ZNF474: variants seen among roughly 807,000 people sequenced by gnomAD.
ZNF474 encodes 4933409D10Rik.
For synonymous variants in ZNF474, 192 were observed against 162.2 expected (o/e 1.18, Z -1.39); for missense variants, 511 against 433.8 (o/e 1.18, Z -1.58).
chr5:122,140,910 A>C (rs1424346486), intron 1 of ZNF474, among the ~76,000 whole-genome samples: 2 of 152,118 alleles, frequency 1.3e-5, no homozygotes, highest in African/African-American at 2.4e-5. Context: ...TATGTAGAGC[A>C]TACAGAATGG....
chr5:122,152,414 C>G lies in ZNF474; in HGVS notation c.424C>G (p.Leu142Val). The change falls in exon 2 of 2, where the codon CTC becomes GTC. Residue 142 changes from leucine (L) to valine (V), a missense_variant. Physicochemically the swap from Leu to Val is conservative, Grantham distance 32. Coordinates refer to ENST00000296600, the MANE Select transcript of ZNF474 (RefSeq NM_207317.3). ...RRPEPSKPQS[L>V]SSSGSYSLQA... ...GCCAGAACCCTCCAAACCACAGTCT[C>G]TCAGCAGCAGTGGGTCCTACAGTCT... 13 of 1,614,202 alleles carry G rather than the reference C, an allele frequency of 8.1e-6. No individual in the cohort carries two copies. The highest frequency in any genetic ancestry group is 2.2e-5 in the East Asian group (1 of 44,860).
At chr5:122,146,243 A>G (rs1011909860) in intron 1 of ZNF474, among the ~76,000 whole-genome samples, 4 of 152,204 alleles carry the variant, frequency 2.6e-5, no homozygotes, top group African/African-American at 9.7e-5. Flanking sequence ...CATAAAGCTA[A>G]ATATAGAAAA....
At chr5:122,134,206 G>A (rs982062488) in intron 1 of ZNF474, among the ~76,000 whole-genome samples, 1 of 152,166 alleles carries the variant, frequency 6.6e-6, no homozygotes, top group African/African-American at 2.4e-5. Flanking sequence ...GTTGGGAGCA[G>A]CAGAGAGGGA....
At chr5:122,140,096 A>C (rs1016572541) in intron 1 of ZNF474, among the ~76,000 whole-genome samples, 4 of 152,190 alleles carry the variant, frequency 2.6e-5, no homozygotes, top group African/African-American at 9.7e-5. Context: ...GCTCTTCTAG[A>C]CCCTGGAATT....
Position 122,152,658 on chromosome 5 carries a change from T to A in ZNF474, c.668T>A (p.Ile223Asn). ...ACCCCAGCCCGACCAAGGACTGTTA[T>A]CTGCTACATATGTGGTAAGGAATTT... ...SGTPARPRTV[I>N]CYICGKEFGT... The change falls in exon 2 of 2, where the codon ATC (isoleucine) becomes AAC (asparagine). Residue 223 changes from isoleucine (I) to asparagine (N), a missense_variant. Physicochemically the swap from Ile to Asn is moderately radical, Grantham distance 149. Transcript: ENST00000296600. 1 of 1,614,194 alleles carries A rather than the reference T, an allele frequency of 6.2e-7. No individual in the cohort carries two copies. The highest frequency in any genetic ancestry group is 1.1e-5 in the South Asian group (1 of 91,084).
chr5:122,152,688 C>T lies in ZNF474; in HGVS notation c.698C>T (p.Thr233Ile). 2 of 1,614,172 alleles carry T rather than the reference C, an allele frequency of 1.2e-6. No homozygotes were observed. Among genetic ancestry groups the T allele is most frequent in the Non-Finnish European group, 8.5e-7 (1 of 1,180,036 alleles). ...TACATATGTGGTAAGGAATTTGGCA[C>T]CCTGTCCCTTCCTATTCATGAGCCC... ...ICYICGKEFG[T>I]LSLPIHEPKC... The change falls in exon 2 of 2, where the codon ACC becomes ATC. Residue 233 changes from threonine to isoleucine, a missense_variant. Thr to Ile is a moderately conservative substitution (Grantham distance 89). Transcript: ENST00000296600.
At chr5:122,137,299 T>G (rs138685086) in intron 1 of ZNF474, among the ~76,000 whole-genome samples, 31 of 151,332 alleles carry the variant, frequency 2.0e-4, no homozygotes, top group African/African-American at 6.1e-4. Flanking sequence ...AATACAAAAA[T>G]TAGCCAGGCG....
intron 1 of ZNF474, among the ~76,000 whole-genome samples, chr5:122,150,092 A>G (rs909910741): frequency 2.6e-5 from 4 of 152,216 alleles, no homozygotes; most frequent in Non-Finnish European, 4.4e-5. Context: ...ATAAACTAAA[A>G]TTCCTCGGTG....
At chr5:122,140,932 A>G (rs1018197822) in intron 1 of ZNF474, among the ~76,000 whole-genome samples, 2 of 152,132 alleles carry the variant, frequency 1.3e-5, no homozygotes, top group Non-Finnish European at 2.9e-5. Context: ...TATGAGCTGG[A>G]TAAACAGCAA....
chr5:122,131,553 G>A (rs1001832338), intron 1 of ZNF474, among the ~76,000 whole-genome samples: 3 of 151,912 alleles, frequency 2.0e-5, no homozygotes, highest in African/African-American at 7.2e-5. Context: ...AAATAAGCCA[G>A]ATAAGGAAAG....
chr5:122,151,404 A>G (rs1318180516), intron 1 of ZNF474, among the ~76,000 whole-genome samples: 1 of 152,116 alleles, frequency 6.6e-6, no homozygotes, highest in African/African-American at 2.4e-5. Context: ...TGCTGATTTC[A>G]TTAATCTAAT....
chr5:122,147,335 G>A (rs1426368241), intron 1 of ZNF474, among the ~76,000 whole-genome samples: 1 of 152,060 alleles, frequency 6.6e-6, no homozygotes, highest in Non-Finnish European at 1.5e-5. Context: ...ATAGAGAAGG[G>A]ATCATATCAT....
chr5:122,129,750 C>T (rs2152602173), intron 1 of ZNF474, 67 bp downstream of exon 1: 1 of 152,314 alleles, frequency 6.6e-6, no homozygotes, highest in East Asian at 1.9e-4. Context: ...TCTGGTAGGT[C>T]TTAAACCTTT....
chr5:122,140,272 C>T lies in ZNF474; in HGVS notation c.-213+10589C>T, dbSNP rs150993376. On this transcript the variant is annotated intron_variant, in intron 1 of 1. Coordinates refer to ENST00000296600, the MANE Select transcript of ZNF474 (RefSeq NM_207317.3). ...ACAAAATTATATAGAGCTTAATACA[C>T]ATACGAGTGCAAATAAAACTGAGGA... is the stretch of plus-strand genomic sequence containing the variant. Among the ~76,000 whole-genome samples, 364 of 152,276 alleles carry T rather than the reference C, an allele frequency of 2.4e-3. 1 individual carries two copies. The highest frequency in any genetic ancestry group is 8.5e-3 in the African/African-American group (352 of 41,548).
Position 122,131,929 on chromosome 5 carries a change from A to G in ZNF474, c.-213+2246A>G, listed in dbSNP as rs1362364314. ...AAAATTTGATGAGTTTTGACAAATG[A>G]TTATATCCATGAACCAACAAAGACG... is the stretch of plus-strand genomic sequence containing the variant. On this transcript the variant is annotated intron_variant, in intron 1 of 1. Transcript: ENST00000296600. Among the ~76,000 whole-genome samples, 4 of 152,076 alleles carry G rather than the reference A, an allele frequency of 2.6e-5. No individual in the cohort carries two copies. In the East Asian group the frequency reaches 5.8e-4, roughly 22 times the overall value.
Position 122,152,989 on chromosome 5 carries a change from G to T in ZNF474, c.999G>T (p.Lys333Asn). The T allele has an allele frequency of 6.2e-7, 1 of 1,613,992 alleles. No homozygotes were observed. Among genetic ancestry groups the T allele is most frequent in the Non-Finnish European group, 8.5e-7 (1 of 1,180,030 alleles). The change falls in exon 2 of 2, where the codon AAG (lysine) becomes AAT (asparagine). Residue 333 changes from lysine to asparagine, a missense_variant. Coordinates refer to ENST00000296600, the MANE Select transcript of ZNF474 (RefSeq NM_207317.3). ...KGGLKEYTNSKQQRNRAAPSV... is the reference protein window; with the variant it reads ...KGGLKEYTNSNQQRNRAAPSV... ...GCCTAAAAGAGTACACTAATTCCAA[G>T]CAGCAAAGGAACAGGGCAGCACCCA...
intron 1 of ZNF474, among the ~76,000 whole-genome samples, chr5:122,142,655 G>T (rs1055109585): frequency 5.9e-5 from 9 of 152,166 alleles, no homozygotes; most frequent in African/African-American, 2.2e-4. Flanking sequence ...TAGGGCTGAG[G>T]ATTCTGAATC....
chr5:122,150,067 G>C (rs750468400), intron 1 of ZNF474, among the ~76,000 whole-genome samples: 65 of 152,082 alleles, frequency 4.3e-4, no homozygotes, highest in Non-Finnish European at 6.3e-4. Context: ...CAATTTCCTA[G>C]TATCAAGGAA....
chr5:122,133,853 C>T (rs1244981594), intron 1 of ZNF474, among the ~76,000 whole-genome samples: 1 of 152,206 alleles, frequency 6.6e-6, no homozygotes, highest in Non-Finnish European at 1.5e-5. Context: ...AGCCATAGCG[C>T]CCAGCTCCAG....
Sources: gnomAD v4.1 joint callset for allele counts (sites outside exome capture counted in the v4.1 genomes callset) on GRCh38, gnomAD v4.1.1 for gene constraint, MANE v1.5 for transcripts, NCBI Gene and HGNC (gene_info 2026-07-23, HGNC 2026-07-21) for gene names.